The following PLSCR4 variants were observed in gnomAD, a reference collection of about 807,000 sequenced individuals.
The protein encoded by PLSCR4 is phospholipid scramblase 4, also known as Ca(2+)-dependent phospholipid scramblase 4.
PLSCR4 carries 25 observed loss-of-function variants against 36.3 expected under a neutral mutation model. The ratio of observed to expected loss-of-function variants is 0.69; its 90% confidence interval spans 0.50 to 0.96. The LOEUF (loss-of-function observed/expected upper bound fraction) is 0.96, where lower values mean the gene tolerates loss of function less well. PLSCR4 is among the 40% of genes least tolerant of loss of function. The pLI, the probability that PLSCR4 is intolerant of heterozygous loss-of-function variation, is 0.00. For synonymous variants in PLSCR4, 122 were observed against 132.9 expected, an observed-to-expected ratio of 0.92 and a Z score of 0.56; for missense variants, 408 against 414.7, an observed-to-expected ratio of 0.98 and a Z score of 0.14.
intron 3 of PLSCR4, among the ~76,000 whole-genome samples, chr3:146,209,135 T>TAA (rs1430171637): frequency 2.6e-5 from 4 of 152,148 alleles, no homozygotes; most frequent in African/African-American, 9.7e-5. Context: ...TGGAGACTAT[T>TAA]ATTCTAAGGA....
At chr3:146,215,215 TAA>T (rs1389633373) in intron 3 of PLSCR4, among the ~76,000 whole-genome samples, 2 of 151,988 alleles carry the variant, frequency 1.3e-5, no homozygotes, top group Non-Finnish European at 2.9e-5. Flanking sequence ...TAGAGAAGAA[TAA>T]AATAGAAAAT....
chr3:146,238,691 TCAA>T (rs2036019701), intron 1 of PLSCR4, among the ~76,000 whole-genome samples: 1 of 152,080 alleles, frequency 6.6e-6, no homozygotes, highest in African/African-American at 2.4e-5. Flanking sequence ...AATGTCATAC[TCAA>T]CAGAGAAAGA....
Position 146,199,800 on chromosome 3 carries a change from T to C in PLSCR4, c.624+13A>G. 1 of 1,598,802 alleles carries C rather than the reference T, an allele frequency of 6.3e-7. No individual in the cohort carries two copies. Among genetic ancestry groups the C allele is most frequent in the Non-Finnish European group, 8.6e-7 (1 of 1,166,934 alleles). ...TCAGAAGCAAGCTGTGGATCAGACTTCCATTCTCTGACCTCTTGTCTGGCA... is the reference window on the plus strand; with the variant it reads ...TCAGAAGCAAGCTGTGGATCAGACTCCCATTCTCTGACCTCTTGTCTGGCA... On this transcript the variant is annotated intron_variant, in intron 6 of 8. Coordinates refer to ENST00000354952, the MANE Select transcript of PLSCR4 (RefSeq NM_020353.3).
chr3:146,223,763 C>T (rs1191496777), intron 1 of PLSCR4: 1 of 150,870 alleles, frequency 6.6e-6, no homozygotes. Flanking sequence ...GTACGGTGCC[C>T]TATGTGTCTC....
chr3:146,203,200 A>C (rs1480785330), intron 4 of PLSCR4, among the ~76,000 whole-genome samples: 2 of 152,090 alleles, frequency 1.3e-5, no homozygotes, highest in Admixed American at 1.3e-4. Context: ...AGCCTAACGA[A>C]ATTCATTTTT....
chr3:146,202,523 G>T (rs2034100251), intron 4 of PLSCR4, among the ~76,000 whole-genome samples: 1 of 152,030 alleles, frequency 6.6e-6, no homozygotes, highest in South Asian at 2.1e-4. Flanking sequence ...TGCTGGTAGA[G>T]GGTCTTGTCT....
intron 1 of PLSCR4, among the ~76,000 whole-genome samples, chr3:146,229,580 C>A (rs943816307): frequency 6.9e-5 from 3 of 43,394 alleles, no homozygotes; most frequent in Non-Finnish European, 1.2e-4. Context: ...TGATTTTTAT[C>A]ATTTTATTTT....
intron 4 of PLSCR4, among the ~76,000 whole-genome samples, chr3:146,205,969 A>G (rs3828379): frequency 0.32 from 48,283 of 151,822 alleles, 8,453 homozygotes; most frequent in South Asian, 0.45. Context: ...ATCTACATAG[A>G]TGTTAATTAG....
chr3:146,215,536 C>A (rs1282845594), intron 3 of PLSCR4, among the ~76,000 whole-genome samples: 1 of 152,040 alleles, frequency 6.6e-6, no homozygotes, highest in African/African-American at 2.4e-5. Context: ...TAGATTTCCA[C>A]CTTGAAGAAA....
At chr3:146,209,094 T>G (rs2034489694) in intron 3 of PLSCR4, among the ~76,000 whole-genome samples, 2 of 152,136 alleles carry the variant, frequency 1.3e-5, no homozygotes, top group African/African-American at 4.8e-5. Flanking sequence ...AAGGAATGAA[T>G]TAATGGCATT....
At position 146,217,015 on chromosome 3, in the gene PLSCR4, T is replaced by C. The variant is rs141599672; in HGVS notation, c.118+3800A>G. On this transcript the variant is annotated intron_variant, in intron 3 of 8. Coordinates refer to ENST00000354952, the MANE Select transcript of PLSCR4 (RefSeq NM_020353.3). ...TCTGAAAACAAGGCCATGAGATAAATCAAAGATTCTTTTATCTATGAAATA... is the reference window on the plus strand; with the variant it reads ...TCTGAAAACAAGGCCATGAGATAAACCAAAGATTCTTTTATCTATGAAATA... 2.6e-5 allele frequency among the ~76,000 whole-genome samples: 4 copies of C among 152,172 alleles called. No homozygotes were observed. The East Asian group carries it at 7.7e-4, about 29-fold the overall frequency.
intron 3 of PLSCR4, among the ~76,000 whole-genome samples, 170 bp from the exon 4 acceptor site, chr3:146,206,931 A>C (rs2034367384): frequency 6.6e-6 from 1 of 152,258 alleles, no homozygotes; most frequent in East Asian, 1.9e-4. Flanking sequence ...ACGATGTATT[A>C]GGGAGACTTA....
rs33931243 is a variant in PLSCR4 at position 146,210,847 on chromosome 3, G to GTTT, written c.119-4089_119-4087dup. 5.0e-4 allele frequency among the ~76,000 whole-genome samples: 74 copies of GTTT among 148,036 alleles called. 1 individual carries two copies. Among genetic ancestry groups the GTTT allele is most frequent in the African/African-American group, 1.6e-3 (66 of 40,370 alleles). ...AAACATACAATAGGCCTTTATGTCTGTTTTTTTTTTTACACTTGGCATGTT... is the reference window on the plus strand; with the variant it reads ...AAACATACAATAGGCCTTTATGTCTGTTTTTTTTTTTTTTACACTTGGCATGTT... On this transcript the variant is annotated intron_variant, in intron 3 of 8. Transcript: ENST00000354952.
chr3:146,217,285 T>C (rs1484877542), intron 3 of PLSCR4, among the ~76,000 whole-genome samples: 1 of 152,174 alleles, frequency 6.6e-6, no homozygotes, highest in African/African-American at 2.4e-5. Context: ...TACTACGATA[T>C]AGATGCTAAC....
chr3:146,216,593 A>T (rs2034901732), intron 3 of PLSCR4, among the ~76,000 whole-genome samples: 1 of 152,196 alleles, frequency 6.6e-6, no homozygotes, highest in Admixed American at 6.5e-5. Flanking sequence ...AATAAAACTG[A>T]GGCATAAGGA....
chr3:146,195,449 G>A (rs1278745804), intron 7 of PLSCR4, among the ~76,000 whole-genome samples, 167 bp from the exon 8 acceptor site: 1 of 152,124 alleles, frequency 6.6e-6, no homozygotes. Context: ...CCTTGCAACT[G>A]GTTAATAACT....
intron 4 of PLSCR4, among the ~76,000 whole-genome samples, chr3:146,204,577 C>T (rs979092224): frequency 2.0e-5 from 3 of 151,896 alleles, no homozygotes; most frequent in Non-Finnish European, 4.4e-5. Context: ...TGGGTCCAAA[C>T]CTGTGTTTTG....
chr3:146,198,481 G>A (rs1195061951), intron 6 of PLSCR4, among the ~76,000 whole-genome samples: 1 of 152,118 alleles, frequency 6.6e-6, no homozygotes, highest in Middle Eastern at 3.4e-3. Context: ...GGTCACTGCA[G>A]CCTCGATATC....
rs749264737 is a variant in PLSCR4 at position 146,199,830 on chromosome 3, G to A, written c.607C>T (p.Pro203Ser). 7.4e-6 allele frequency: 12 copies of A among 1,612,862 alleles called. No individual in the cohort carries two copies. Among genetic ancestry groups the A allele is most frequent in the South Asian group, 5.5e-5 (5 of 91,012 alleles). ...FRCTCCCFCC[P>S]SARQELEVQC... ...TCTCTGACCTCTTGTCTGGCAGAGG[G>A]GCAACAGAAGCAACAGCAGGTGCAT... The change falls in exon 6 of 9, where the codon CCC (proline) becomes TCC (serine). Residue 203 changes from proline (P) to serine (S), a missense_variant. Pro to Ser is a moderately conservative substitution (Grantham distance 74). Transcript: ENST00000354952.
Sources: gnomAD v4.1 joint callset for allele counts (sites outside exome capture counted in the v4.1 genomes callset) on GRCh38, gnomAD v4.1.1 for gene constraint, MANE v1.5 for transcripts, NCBI Gene and HGNC (gene_info 2026-07-23, HGNC 2026-07-21) for gene names.